The following NAALADL2 variants were observed in gnomAD, a reference collection of about 807,000 sequenced individuals.
The protein encoded by NAALADL2 is N-acetylated alpha-linked acidic dipeptidase like 2, also known as inactive N-acetylated-alpha-linked acidic dipeptidase-like protein 2.
NAALADL2 carries 76 observed loss-of-function variants against 87.2 expected under a neutral mutation model. The ratio of observed to expected loss-of-function variants is 0.87; its 90% CI spans 0.72 to 1.05. NAALADL2 has a LOEUF of 1.05. NAALADL2 is among the 50% of genes least tolerant of loss of function. NAALADL2 has a pLI of 0.00. For missense variants in NAALADL2, 1,089 were observed against 945.8 expected, an observed-to-expected ratio of 1.15 and a Z score of -1.99; for synonymous variants, 354 against 331.0, an observed-to-expected ratio of 1.07 and a Z score of -0.75.
intron 10 of NAALADL2, among the ~76,000 whole-genome samples, chr3:175,579,223 C>CATCT (rs5854647): frequency 0.12 from 16,945 of 146,796 alleles, 1,202 homozygotes; most frequent in Middle Eastern, 0.18. Flanking sequence ...ATCTATCTAT[C>CATCT]ATCTATCATC....
intron 2 of NAALADL2, among the ~76,000 whole-genome samples, chr3:174,633,844 T>C (rs1722382624): frequency 6.6e-6 from 1 of 152,196 alleles, no homozygotes; most frequent in African/African-American, 2.4e-5. Context: ...GTGCAGCTTT[T>C]CCATAGGGGA....
At chr3:175,237,139 TA>T (rs1179419649) in intron 3 of NAALADL2, among the ~76,000 whole-genome samples, 1 of 152,114 alleles carries the variant, frequency 6.6e-6, no homozygotes, top group Non-Finnish European at 1.5e-5. Flanking sequence ...AGAAATAAGT[TA>T]AAAATGTGAA....
intron 1 of NAALADL2, among the ~76,000 whole-genome samples, chr3:174,503,426 A>G (rs757646654): frequency 8.5e-5 from 13 of 152,312 alleles, no homozygotes; most frequent in Admixed American, 3.3e-4. Flanking sequence ...TTTTTAAAAA[A>G]GGAGTTAATC....
At chr3:175,749,056 T>C (rs1746282118) in intron 12 of NAALADL2, among the ~76,000 whole-genome samples, 2 of 149,232 alleles carry the variant, frequency 1.3e-5, no homozygotes, top group Non-Finnish European at 3.0e-5. Context: ...GCAGTGAGCT[T>C]TGATTGTACT....
chr3:175,590,367 G>A (rs1027454501), intron 10 of NAALADL2, among the ~76,000 whole-genome samples: 3 of 146,292 alleles, frequency 2.1e-5, no homozygotes, highest in African/African-American at 7.7e-5. Context: ...AAGAATAGTC[G>A]ATATAGTGTC....
chr3:175,768,811 C>T (rs1749092508), intron 13 of NAALADL2, among the ~76,000 whole-genome samples: 1 of 147,464 alleles, frequency 6.8e-6, no homozygotes, highest in Non-Finnish European at 1.5e-5. Flanking sequence ...GAGATTGGTC[C>T]ACAGCACTCC....
intron 12 of NAALADL2, among the ~76,000 whole-genome samples, chr3:175,749,626 A>T (rs776507682): frequency 6.6e-6 from 1 of 152,216 alleles, no homozygotes; most frequent in Non-Finnish European, 1.5e-5. Flanking sequence ...AGAGCCCCCA[A>T]GGCCTAATGG....
chr3:175,416,695 T>C (rs1714698445), intron 5 of NAALADL2, among the ~76,000 whole-genome samples: 1 of 152,162 alleles, frequency 6.6e-6, no homozygotes, highest in African/African-American at 2.4e-5. Context: ...TTTTTGTCAC[T>C]AGCGTGTAAA....
chr3:175,204,465 C>A (rs1318517133), intron 2 of NAALADL2, among the ~76,000 whole-genome samples: 1 of 152,096 alleles, frequency 6.6e-6, no homozygotes, highest in East Asian at 1.9e-4. Context: ...CCATCTATGA[C>A]AAACCCACAG....
At chr3:174,538,310 C>T (rs780380917) in intron 1 of NAALADL2, among the ~76,000 whole-genome samples, 4 of 151,964 alleles carry the variant, frequency 2.6e-5, no homozygotes, top group Non-Finnish European at 5.9e-5. Context: ...TAGTTCCAGC[C>T]AGGATGGGAA....
chr3:175,446,155 G>C (rs778981915), intron 5 of NAALADL2, among the ~76,000 whole-genome samples: 6 of 148,138 alleles, frequency 4.1e-5, no homozygotes, highest in Non-Finnish European at 7.4e-5. Context: ...TGCTAAGAGT[G>C]AACCTTCTAT....
At chr3:175,158,653 A>T (rs2108824584) in intron 2 of NAALADL2, among the ~76,000 whole-genome samples, 1 of 152,202 alleles carries the variant, frequency 6.6e-6, no homozygotes, top group South Asian at 2.1e-4. Flanking sequence ...TATTTTAAAT[A>T]TTTTTGTCTT....
chr3:174,937,947 A>G (rs972860846), intron 1 of NAALADL2, among the ~76,000 whole-genome samples: 1 of 152,080 alleles, frequency 6.6e-6, no homozygotes, highest in Non-Finnish European at 1.5e-5. Flanking sequence ...ATTTAATTGC[A>G]AAGTTCACTA....
chr3:174,811,447 T>C (rs745447101), intron 3 of NAALADL2, among the ~76,000 whole-genome samples: 2 of 152,150 alleles, frequency 1.3e-5, no homozygotes. Flanking sequence ...GGGGATTGTT[T>C]TGGAACTTTA....
chr3:174,816,378 A>T (rs1720805190), intron 3 of NAALADL2, among the ~76,000 whole-genome samples: 2 of 123,218 alleles, frequency 1.6e-5, no homozygotes, highest in South Asian at 4.9e-4. Flanking sequence ...TGGAATTGAG[A>T]TATATATATG....
intron 9 of NAALADL2, among the ~76,000 whole-genome samples, chr3:175,472,192 T>A (rs895010138): frequency 6.6e-6 from 1 of 151,978 alleles, no homozygotes; most frequent in Non-Finnish European, 1.5e-5. Context: ...AGCAAGAATA[T>A]AGTGATAACT....
At chr3:175,110,610 T>C (rs927809321) in intron 2 of NAALADL2, among the ~76,000 whole-genome samples, 2 of 151,780 alleles carry the variant, frequency 1.3e-5, no homozygotes, top group African/African-American at 4.8e-5. Context: ...TAATCATGAA[T>C]GCAGAAAAGA....
intron 1 of NAALADL2, among the ~76,000 whole-genome samples, chr3:174,887,133 A>G (rs879931979): frequency 7.2e-5 from 11 of 152,088 alleles, no homozygotes; most frequent in Non-Finnish European, 1.6e-4. Context: ...TTCCTTTGCT[A>G]TTATTTTGCT....
intron 2 of NAALADL2, among the ~76,000 whole-genome samples, chr3:174,660,689 TTTC>T (rs1245757579): frequency 1.3e-5 from 2 of 152,182 alleles, no homozygotes; most frequent in Non-Finnish European, 1.5e-5. Context: ...GAATAGTAAT[TTTC>T]TTCTGGGAAG....
Sources: gnomAD v4.1 joint callset for allele counts (sites outside exome capture counted in the v4.1 genomes callset) on GRCh38, gnomAD v4.1.1 for gene constraint, MANE v1.5 for transcripts, NCBI Gene and HGNC (gene_info 2026-07-23, HGNC 2026-07-21) for gene names.